The following PTK2 variants were observed in gnomAD, a reference collection of about 807,000 sequenced individuals.
The protein encoded by PTK2 is protein tyrosine kinase 2, also known as focal adhesion kinase 1.
Under a neutral mutation model 150.1 loss-of-function variants are expected in PTK2, and 45 were observed. The ratio of observed to expected loss-of-function variants is 0.30; its 90% CI spans 0.24 to 0.38. The LOEUF is 0.38. PTK2 is among the 10% of genes least tolerant of loss of function. The pLI, the probability that PTK2 is intolerant of heterozygous loss-of-function variation, is 1.00. For synonymous variants in PTK2, 432 were observed against 449.2 expected (o/e 0.96, Z 0.48); for missense variants, 919 against 1,307.3 (o/e 0.70, Z 4.58).
intron 26 of PTK2, among the ~76,000 whole-genome samples, chr8:140,694,042 C>CTTTT (rs797013196): frequency 2.2e-5 from 3 of 136,976 alleles, no homozygotes; most frequent in Non-Finnish European, 1.6e-5. Flanking sequence ...CTTTTCTTTT[C>CTTTT]TTTTTTTTTT....
In PTK2 at chr8:140,935,702, C is replaced by CTTTTTTTT. The variant is rs34554819; in HGVS notation, c.-121-9961_-121-9954dup. 6.1e-3 allele frequency among the ~76,000 whole-genome samples: 752 copies of CTTTTTTTT among 123,806 alleles called. 41 individuals are homozygous for CTTTTTTTT. Among genetic ancestry groups the CTTTTTTTT allele is most frequent in the East Asian group, 0.022 (88 of 4,012 alleles). 81.2% of individuals were successfully genotyped at this position (123,806 alleles called of 152,430 possible). ...ATCTCAATGCTCAGTATGTCCTCAT[C>CTTTTTTTT]TTTTTTTTTTTTTTTGAGACAGAGT... On this transcript the variant is annotated intron_variant, in intron 1 of 31. Transcript: ENST00000522684.
rs539611799 is a variant in PTK2 at position 140,783,068 on chromosome 8, G to A, written c.1177+6406C>T. Among the ~76,000 whole-genome samples the A allele has an allele frequency of 1.9e-4, 29 of 151,814 alleles. No individual in the cohort carries two copies. In the East Asian group the frequency reaches 3.9e-3, roughly 20 times the overall value. ...AGCCTGGGCAACATAGGGAGACCCC[G>A]TCTCTACAAAAAAAATACAAAAATT... On this transcript the variant is annotated intron_variant, in intron 14 of 31. Coordinates refer to ENST00000522684, the Ensembl canonical transcript of PTK2.
chr8:140,963,610 C>G (rs1282919089), intron 1 of PTK2, among the ~76,000 whole-genome samples: 1 of 152,222 alleles, frequency 6.6e-6, no homozygotes, highest in African/African-American at 2.4e-5. Flanking sequence ...CCAGTACCTA[C>G]CTGAGTGACC....
intron 3 of PTK2, among the ~76,000 whole-genome samples, chr8:140,886,976 G>C (rs372026912): frequency 7.9e-5 from 12 of 152,134 alleles, no homozygotes; most frequent in Admixed American, 3.9e-4. Context: ...TCTCTTGGCT[G>C]TTCTAGATTG....
intron 2 of PTK2, among the ~76,000 whole-genome samples, chr8:140,895,987 G>A (rs1389870606): frequency 6.6e-6 from 1 of 152,062 alleles, no homozygotes; most frequent in South Asian, 2.1e-4. Context: ...GATAAAATGA[G>A]TCAAGAAAAA....
intron 14 of PTK2, among the ~76,000 whole-genome samples, chr8:140,780,473 G>T (rs7824365): frequency 3.3e-5 from 5 of 151,986 alleles, no homozygotes; most frequent in Non-Finnish European, 7.4e-5. Flanking sequence ...GGAAATAAAC[G>T]GGCCAGAAAA....
At chr8:140,757,382 G>GT (rs2100066464) in intron 16 of PTK2, among the ~76,000 whole-genome samples, 1 of 151,660 alleles carries the variant, frequency 6.6e-6, no homozygotes, top group African/African-American at 2.4e-5. Flanking sequence ...TACACCCATA[G>GT]TTAAAAAAAA....
intron 1 of PTK2, among the ~76,000 whole-genome samples, chr8:140,929,245 G>C (rs542516909): frequency 6.6e-6 from 1 of 151,986 alleles, no homozygotes; most frequent in African/African-American, 2.4e-5. Flanking sequence ...GATTACAGGC[G>C]TGAGCCACCG....
intron 16 of PTK2, 147 bp from the exon 20 acceptor site, chr8:140,752,463 C>T (rs1593861529): frequency 3.2e-6 from 2 of 634,130 alleles, no homozygotes; most frequent in Non-Finnish European, 5.5e-6. Context: ...GAGAGGGATA[C>T]TTAAAAACAC....
chr8:140,787,897 ACAGAACATCCTG>A (rs1390338928), intron 14 of PTK2, among the ~76,000 whole-genome samples: 1 of 152,198 alleles, frequency 6.6e-6, no homozygotes, highest in Non-Finnish European at 1.5e-5. Flanking sequence ...CACCTACTCT[ACAGAACATCCTG>A]CAGAACATCC....
At position 140,989,910 on chromosome 8, in the gene PTK2, C is replaced by CAA. The variant is rs11400792; in HGVS notation, c.-122+11213_-122+11214dup. ...GCAACAAGAGCAAAACTCTTTGTCTCAAAAAAAAAAAAAAAGAGCAACCTC... is the reference window on the plus strand; with the variant it reads ...GCAACAAGAGCAAAACTCTTTGTCTCAAAAAAAAAAAAAAAAAGAGCAACCTC... On this transcript the variant is annotated intron_variant, in intron 1 of 31. Transcript: ENST00000522684. Among the ~76,000 whole-genome samples the CAA allele has an allele frequency of 1.8e-3, 243 of 136,050 alleles. 1 individual carries two copies. Among genetic ancestry groups the CAA allele is most frequent in the South Asian group, 5.3e-3 (23 of 4,360 alleles). The allele number at this position is 136,050 out of a possible 152,430, so 89.3% of individuals were successfully genotyped here.
At chr8:140,974,364 GAATACTA>G (rs2100188483) in intron 1 of PTK2, among the ~76,000 whole-genome samples, 2 of 152,130 alleles carry the variant, frequency 1.3e-5, no homozygotes, top group African/African-American at 4.8e-5. Flanking sequence ...ATAGCCACAT[GAATACTA>G]AGATACGTTA....
chr8:140,697,316 CA>C (rs200881203), intron 26 of PTK2, among the ~76,000 whole-genome samples: 79 of 139,104 alleles, frequency 5.7e-4, no homozygotes, highest in Middle Eastern at 3.8e-3. Flanking sequence ...CAAAAACAAA[CA>C]AAAAAAAAAA....
At chr8:140,877,794 A>G (rs1428915068) in intron 4 of PTK2, among the ~76,000 whole-genome samples, 1 of 152,132 alleles carries the variant, frequency 6.6e-6, no homozygotes, top group Non-Finnish European at 1.5e-5. Context: ...CCAGTCAGTA[A>G]AGCAGTGCCT....
At chr8:140,980,752 CTT>C (rs565678002) in intron 1 of PTK2, among the ~76,000 whole-genome samples, 23 of 138,886 alleles carry the variant, frequency 1.7e-4, no homozygotes, top group Admixed American at 2.2e-4. Flanking sequence ...GGCTCTAAAG[CTT>C]TTTTTTTTTT....
chr8:140,790,499 T>G (rs940364778), intron 13 of PTK2, among the ~76,000 whole-genome samples: 1 of 152,248 alleles, frequency 6.6e-6, no homozygotes, highest in Non-Finnish European at 1.5e-5. Context: ...TGCAACCTGT[T>G]ACACATGAGG....
chr8:140,802,938 T>C (rs1235125249), intron 11 of PTK2, among the ~76,000 whole-genome samples: 1 of 151,890 alleles, frequency 6.6e-6, no homozygotes, highest in Non-Finnish European at 1.5e-5. Flanking sequence ...AACGTACCTG[T>C]TGTTAAGCAA....
intron 1 of PTK2, among the ~76,000 whole-genome samples, chr8:140,941,179 A>C (rs954942141): frequency 2.0e-5 from 3 of 152,190 alleles, no homozygotes; most frequent in African/African-American, 7.2e-5. Context: ...TTAAGCCTTC[A>C]AAACCAGGGT....
At chr8:140,962,282 AGGG>A (rs1321505076) in intron 1 of PTK2, among the ~76,000 whole-genome samples, 51 of 100,284 alleles carry the variant, frequency 5.1e-4, no homozygotes, top group Non-Finnish European at 1.9e-4. Context: ...GGAGGAAGGG[AGGG>A]AGGAAGGGAG....
Sources: allele counts gnomAD v4.1 joint callset (sites outside exome capture counted in the v4.1 genomes callset), GRCh38; gene constraint gnomAD v4.1.1; transcripts MANE v1.5; gene names NCBI Gene and HGNC (gene_info 2026-07-23, HGNC 2026-07-21).